Variants in RAPGEF6 observed in about 807,000 individuals in gnomAD.
RAPGEF6 encodes Rap guanine nucleotide exchange factor 6.
RAPGEF6 carries 56 observed loss-of-function variants against 171.4 expected under a neutral mutation model. The observed-to-expected ratio is 0.33, with a 90% CI of 0.26 to 0.41. The LOEUF (loss-of-function observed/expected upper bound fraction) is 0.41. RAPGEF6 is among the 10% of genes least tolerant of loss of function. The pLI is 1.00. For synonymous variants in RAPGEF6, 692 were observed against 650.1 expected, an observed-to-expected ratio of 1.06 and a Z score of -0.98; for missense variants, 1,674 against 1,921.4, an observed-to-expected ratio of 0.87 and a Z score of 2.41.
At chr5:131,483,076 T>C in intron 15 of RAPGEF6, among the ~76,000 whole-genome samples, 1 of 152,118 alleles carries the variant, frequency 6.6e-6, no homozygotes, top group Non-Finnish European at 1.5e-5. Flanking sequence ...TGGCTGGGTG[T>C]GGTGGCTCAT....
intron 16 of RAPGEF6, among the ~76,000 whole-genome samples, chr5:131,473,480 C>T (rs186984023): frequency 2.8e-3 from 426 of 151,622 alleles, no homozygotes; most frequent in Non-Finnish European, 3.1e-3. Context: ...TTTTAGATAC[C>T]CCCAAATTTT....
intron 6 of RAPGEF6, among the ~76,000 whole-genome samples, chr5:131,544,871 C>T (rs188046891): frequency 7.9e-5 from 12 of 152,004 alleles, no homozygotes; most frequent in East Asian, 3.9e-4. Flanking sequence ...TCAGGAGAGA[C>T]GGGGTTTCAC....
At chr5:131,590,919 G>A (rs1448252258) in intron 4 of RAPGEF6, among the ~76,000 whole-genome samples, 2 of 151,922 alleles carry the variant, frequency 1.3e-5, no homozygotes, top group African/African-American at 4.8e-5. Context: ...AGTTCTCAGG[G>A]ACTAACAATA....
Position 131,425,794 on chromosome 5 carries a change from T to C in RAPGEF6, c.*1472A>G, listed in dbSNP as rs1378004419. 1.3e-5 allele frequency: 2 copies of C among 150,516 alleles called. No homozygotes were observed. Among genetic ancestry groups the C allele is most frequent in the Non-Finnish European group, 3.0e-5 (2 of 67,748 alleles). The allele number at this position is 150,516 out of a possible 1,614,324, so 9.3% of individuals were successfully genotyped here. A position where few individuals can be genotyped will look rare whatever the true frequency, so the allele number is the denominator to read the frequency against. On this transcript the variant is annotated 3_prime_UTR_variant, in exon 28 of 28. Transcript: ENST00000509018. ...TCTATAAAGGAGGCCACAAACCAAC[T>C]AAATCCTATGTGGACACATACGGAC... is the stretch of plus-strand genomic sequence containing the variant.
intron 8 of RAPGEF6, among the ~76,000 whole-genome samples, chr5:131,509,621 T>C (rs372442784): frequency 3.9e-5 from 6 of 152,310 alleles, no homozygotes; most frequent in African/African-American, 1.4e-4. Flanking sequence ...TTAAAAAATC[T>C]GCAAGTTTTT....
intron 3 of RAPGEF6, among the ~76,000 whole-genome samples, chr5:131,599,569 G>A (rs895841485): frequency 6.6e-6 from 1 of 152,142 alleles, no homozygotes; most frequent in African/African-American, 2.4e-5. Flanking sequence ...TGCAGCGCAA[G>A]AGAGAAAAAG....
At chr5:131,590,624 TTAGAA>T (rs755903373) in intron 4 of RAPGEF6, among the ~76,000 whole-genome samples, 2 of 152,322 alleles carry the variant, frequency 1.3e-5, no homozygotes, top group Middle Eastern at 3.4e-3. Context: ...GTATTATTCT[TTAGAA>T]TAAAGATTAA....
chr5:131,587,668 C>T (rs946175188), intron 4 of RAPGEF6, among the ~76,000 whole-genome samples: 1 of 152,184 alleles, frequency 6.6e-6, no homozygotes, highest in Non-Finnish European at 1.5e-5. Context: ...TGAAACGACT[C>T]AAAGGCAAAG....
At chr5:131,523,231 G>A (rs1758620598) in intron 6 of RAPGEF6, among the ~76,000 whole-genome samples, 1 of 139,826 alleles carries the variant, frequency 7.2e-6, no homozygotes, top group South Asian at 2.4e-4. Flanking sequence ...AAGAGCCAAA[G>A]AATATATATT....
At chr5:131,594,821 G>A (rs534783661) in intron 3 of RAPGEF6, among the ~76,000 whole-genome samples, 4 of 152,326 alleles carry the variant, frequency 2.6e-5, no homozygotes, top group African/African-American at 9.6e-5. Flanking sequence ...GACTAGCATG[G>A]GACCTGTAGC....
At chr5:131,561,942 T>C (rs112848385) in intron 5 of RAPGEF6, 36 bp downstream of exon 5, 31 of 1,477,338 alleles carry the variant, frequency 2.1e-5, no homozygotes, top group Non-Finnish European at 2.9e-5. Flanking sequence ...AACTGAAGCA[T>C]ATCAAAAACA....
chr5:131,468,833 T>C (rs1269686775), intron 17 of RAPGEF6, among the ~76,000 whole-genome samples: 1 of 151,832 alleles, frequency 6.6e-6, no homozygotes, highest in Non-Finnish European at 1.5e-5. Context: ...AAACAAAGGG[T>C]AGTGGTATAT....
intron 1 of RAPGEF6, among the ~76,000 whole-genome samples, chr5:131,611,923 G>A (rs562649432): frequency 6.6e-6 from 1 of 152,220 alleles, no homozygotes; most frequent in South Asian, 2.1e-4. Flanking sequence ...AATAGCCGGA[G>A]TAAGTGTGGC....
intron 1 of RAPGEF6, among the ~76,000 whole-genome samples, chr5:131,634,261 A>T (rs1417932081): frequency 6.6e-6 from 1 of 152,238 alleles, no homozygotes; most frequent in Non-Finnish European, 1.5e-5. Context: ...CCAAAACCTT[A>T]GCATTCTACC....
chr5:131,467,645 G>A (rs943220500), intron 17 of RAPGEF6, among the ~76,000 whole-genome samples: 24 of 152,108 alleles, frequency 1.6e-4, no homozygotes, highest in African/African-American at 5.3e-4. Context: ...AATCAAAAGG[G>A]AAAAAATGAT....
intron 1 of RAPGEF6, among the ~76,000 whole-genome samples, chr5:131,608,803 A>C (rs1580669768): frequency 6.7e-6 from 1 of 149,812 alleles, no homozygotes; most frequent in African/African-American, 2.5e-5. Flanking sequence ...TTCCTCCCTT[A>C]CCACGTGATC....
chr5:131,634,024 T>C (rs1766477388), intron 1 of RAPGEF6, among the ~76,000 whole-genome samples: 1 of 152,232 alleles, frequency 6.6e-6, no homozygotes, highest in Non-Finnish European at 1.5e-5. Context: ...CGTTGTGACC[T>C]GAATAATTGT....
chr5:131,588,728 G>A (rs1404905846), intron 4 of RAPGEF6, among the ~76,000 whole-genome samples: 2 of 151,900 alleles, frequency 1.3e-5, no homozygotes, highest in African/African-American at 4.8e-5. Context: ...TGGCAACAGA[G>A]TGAGACTCCG....
intron 3 of RAPGEF6, among the ~76,000 whole-genome samples, chr5:131,601,018 A>G (rs570158458): frequency 7.3e-5 from 11 of 151,496 alleles, no homozygotes; most frequent in African/African-American, 2.7e-4. Context: ...GGGAGTCTGA[A>G]GCAGGAGGAT....
Sources: allele counts gnomAD v4.1 joint callset (sites outside exome capture counted in the v4.1 genomes callset), GRCh38; gene constraint gnomAD v4.1.1; transcripts MANE v1.5; gene names NCBI Gene and HGNC (gene_info 2026-07-23, HGNC 2026-07-21).